The following SUGCT variants were observed in gnomAD, a reference collection of about 807,000 sequenced individuals.
SUGCT encodes succinyl-CoA:glutarate-CoA transferase, also known as succinyl-CoA:glutarate CoA-transferase.
Under a neutral mutation model 55.0 loss-of-function variants are expected in SUGCT, and 41 were observed. The ratio of observed to expected loss-of-function variants is 0.74; its 90% CI spans 0.58 to 0.97. SUGCT has a LOEUF of 0.97. Ranked by LOEUF, SUGCT falls within the 50% of genes least tolerant of loss-of-function variation. SUGCT has a pLI of 0.00. For missense variants in SUGCT, 568 were observed against 547.8 expected, an observed-to-expected ratio of 1.04 and a Z score of -0.37; for synonymous variants, 187 against 200.4, an observed-to-expected ratio of 0.93 and a Z score of 0.56.
chr7:40,429,059 T>C (rs561564561), intron 9 of SUGCT, among the ~76,000 whole-genome samples: 1 of 152,248 alleles, frequency 6.6e-6, no homozygotes, highest in African/African-American at 2.4e-5. Context: ...GGGATACATA[T>C]AGAGAATAAA....
intron 1 of SUGCT, among the ~76,000 whole-genome samples, chr7:40,143,596 G>A (rs954925920): frequency 3.9e-5 from 6 of 152,228 alleles, no homozygotes; most frequent in African/African-American, 9.6e-5. Flanking sequence ...ACGTGCAGAC[G>A]GAATATTTGA....
chr7:40,890,268 A>G, the SUGCT span, among the ~76,000 whole-genome samples: 1 of 143,066 alleles, frequency 7.0e-6, no homozygotes, highest in Non-Finnish European at 1.5e-5. Flanking sequence ...TATATTATAT[A>G]ATATAAATTA....
chr7:40,590,817 A>T (rs1469716549), intron 12 of SUGCT, among the ~76,000 whole-genome samples: 5 of 152,210 alleles, frequency 3.3e-5, no homozygotes, highest in African/African-American at 1.2e-4. Context: ...TGTGCTCCGT[A>T]CATGGAACAA....
At chr7:40,551,734 A>G (rs1795309659) in intron 12 of SUGCT, among the ~76,000 whole-genome samples, 1 of 152,242 alleles carries the variant, frequency 6.6e-6, no homozygotes, top group Admixed American at 6.5e-5. Context: ...ATGTGGTAGG[A>G]TAAGTGTCAC....
At chr7:40,674,573 T>C (rs1000278106) in intron 12 of SUGCT, among the ~76,000 whole-genome samples, 1 of 152,172 alleles carries the variant, frequency 6.6e-6, no homozygotes, top group Non-Finnish European at 1.5e-5. Context: ...GACCAAAAAT[T>C]GTGGCCCCGG....
At chr7:40,864,518 C>T (rs1418072308), downstream of SUGCT, among the ~76,000 whole-genome samples, 1 of 152,044 alleles carries the variant, frequency 6.6e-6, no homozygotes, top group African/African-American at 2.4e-5. Context: ...TTTAGGGGAG[C>T]AGAAGCAACT....
chr7:40,482,152 T>G (rs1308875507), intron 11 of SUGCT, among the ~76,000 whole-genome samples: 3 of 152,198 alleles, frequency 2.0e-5, no homozygotes, highest in Non-Finnish European at 4.4e-5. Flanking sequence ...TGATGTTTAT[T>G]GAAGAAGTAC....
the SUGCT span, among the ~76,000 whole-genome samples, chr7:41,008,999 G>A: frequency 5.9e-5 from 9 of 151,740 alleles, no homozygotes; most frequent in East Asian, 1.6e-3. Context: ...CCTGTGGTAT[G>A]AGCAAAAAAG....
chr7:41,026,488 T>A, the SUGCT span, among the ~76,000 whole-genome samples: 2 of 152,212 alleles, frequency 1.3e-5, no homozygotes, highest in Non-Finnish European at 2.9e-5. Context: ...AAGGCTGCAT[T>A]CATCTTGACA....
chr7:41,027,514 G>A, the SUGCT span, among the ~76,000 whole-genome samples: 1 of 152,196 alleles, frequency 6.6e-6, no homozygotes, highest in African/African-American at 2.4e-5. Context: ...TCCTGGATAT[G>A]CATAATGTTC....
chr7:40,507,871 G>A (rs1405326589), intron 12 of SUGCT, among the ~76,000 whole-genome samples: 1 of 152,140 alleles, frequency 6.6e-6, no homozygotes. Flanking sequence ...TCTCAGAAGG[G>A]CTCATCTTGA....
chr7:40,380,976 G>C (rs1215007293), intron 9 of SUGCT, among the ~76,000 whole-genome samples: 2 of 152,084 alleles, frequency 1.3e-5, no homozygotes, highest in Non-Finnish European at 2.9e-5. Context: ...GCTATAATTA[G>C]TAAGGCTAGT....
intron 6 of SUGCT, among the ~76,000 whole-genome samples, chr7:40,203,434 A>G (rs990638989): frequency 1.3e-5 from 2 of 152,214 alleles, no homozygotes; most frequent in African/African-American, 4.8e-5. Flanking sequence ...CATTAAGTCG[A>G]GTGAACATGA....
At chr7:40,425,019 C>G (rs1387655889) in intron 9 of SUGCT, among the ~76,000 whole-genome samples, 1 of 151,890 alleles carries the variant, frequency 6.6e-6, no homozygotes, top group Non-Finnish European at 1.5e-5. Context: ...ATTACTTTAC[C>G]CAACAACATA....
intron 8 of SUGCT, among the ~76,000 whole-genome samples, chr7:40,285,451 TTTTATTTA>T (rs769625314): frequency 6.6e-6 from 1 of 150,436 alleles, no homozygotes; most frequent in South Asian, 2.1e-4. Context: ...GAATTTTAAA[TTTTATTTA>T]TTTATTTATT....
At chr7:40,366,847 G>T (rs1402441994) in intron 9 of SUGCT, among the ~76,000 whole-genome samples, 1 of 152,162 alleles carries the variant, frequency 6.6e-6, no homozygotes, top group South Asian at 2.1e-4. Context: ...CATTGTGGAA[G>T]TCAGTGTGGC....
chr7:40,985,095 A>C, the SUGCT span, among the ~76,000 whole-genome samples: 3 of 152,328 alleles, frequency 2.0e-5, no homozygotes, highest in South Asian at 6.2e-4. Flanking sequence ...TGTATGTTTT[A>C]ACTAGAAGCT....
In SUGCT at chr7:40,667,501, A is replaced by C. The variant is rs1305782453; in HGVS notation, c.1090-81933A>C. 2.0e-5 allele frequency among the ~76,000 whole-genome samples: 3 copies of C among 151,326 alleles called. No individual in the cohort carries two copies. In the East Asian group the frequency reaches 5.8e-4, roughly 29 times the overall value. ...GAGTCTCTCCTCGGTTTTCTGGAAT[A>C]GTTTCAGTAGAATTGGTACTAGCTT... On this transcript the variant is annotated intron_variant, in intron 12 of 13. Coordinates refer to ENST00000335693, the MANE Select transcript of SUGCT (RefSeq NM_001193313.2).
At chr7:40,185,641 GC>G (rs1212731735) in intron 3 of SUGCT, among the ~76,000 whole-genome samples, 1 of 152,128 alleles carries the variant, frequency 6.6e-6, no homozygotes, top group African/African-American at 2.4e-5. Flanking sequence ...TCCTGCCTCA[GC>G]TTCCTGAGTA....
Sources: allele counts gnomAD v4.1 joint callset (sites outside exome capture counted in the v4.1 genomes callset), GRCh38; gene constraint gnomAD v4.1.1; transcripts MANE v1.5; gene names NCBI Gene and HGNC (gene_info 2026-07-23, HGNC 2026-07-21).